Variants in PHACTR1 observed in about 807,000 individuals in gnomAD.
PHACTR1 encodes the protein RPEL repeat containing 1.
In PHACTR1, 16 loss-of-function variants were observed where a neutral mutation model predicts 69.2. The observed-to-expected ratio is 0.23, with a 90% CI of 0.16 to 0.35. PHACTR1 has a LOEUF of 0.35. Among genes scored for constraint, PHACTR1 ranks in the 10% least tolerant of loss-of-function variants. PHACTR1 has a pLI of 1.00. For missense variants in PHACTR1, 510 were observed against 734.7 expected (o/e 0.69, Z 3.54); for synonymous variants, 312 against 284.5 (o/e 1.10, Z -0.97).
intron 4 of PHACTR1, among the ~76,000 whole-genome samples, chr6:13,046,885 A>C (rs1805147553): frequency 6.6e-6 from 1 of 152,196 alleles, no homozygotes; most frequent in African/African-American, 2.4e-5. Context: ...AAACTCTTCC[A>C]AGAGATCCAG....
intron 5 of PHACTR1, among the ~76,000 whole-genome samples, chr6:13,092,538 G>C (rs149533485): frequency 1.3e-5 from 2 of 152,100 alleles, no homozygotes; most frequent in East Asian, 3.9e-4. Context: ...GCTTTAGGAT[G>C]ATTTAAGCAC....
chr6:13,228,525 A>G (rs1045618076), intron 9 of PHACTR1, among the ~76,000 whole-genome samples: 1 of 152,262 alleles, frequency 6.6e-6, no homozygotes, highest in African/African-American at 2.4e-5. Flanking sequence ...AAATGTGCTA[A>G]GAGACAAGAG....
intron 4 of PHACTR1, among the ~76,000 whole-genome samples, chr6:13,006,110 T>G (rs1257271836): frequency 6.6e-6 from 1 of 152,230 alleles, no homozygotes; most frequent in Non-Finnish European, 1.5e-5. Flanking sequence ...CATCAGCCAG[T>G]ACACAACTAC....
At chr6:12,821,363 T>C (rs1185885522) in intron 4 of PHACTR1, among the ~76,000 whole-genome samples, 1 of 149,786 alleles carries the variant, frequency 6.7e-6, no homozygotes, top group Non-Finnish European at 1.5e-5. Flanking sequence ...TTCAGGAAGC[T>C]GAGGCAGGAG....
At chr6:13,201,512 T>G (rs10807412) in intron 7 of PHACTR1, among the ~76,000 whole-genome samples, 48,663 of 152,008 alleles carry the variant, frequency 0.32, 9,417 homozygotes, top group Non-Finnish European at 0.44. Flanking sequence ...ATCATGGACC[T>G]CACGCATGCC....
chr6:12,721,558 G>A lies in PHACTR1; in HGVS notation c.103+2711G>A, dbSNP rs979384639. 4.9e-4 allele frequency among the ~76,000 whole-genome samples: 75 copies of A among 152,240 alleles called. 1 individual carries two copies. Among genetic ancestry groups the A allele is most frequent in the African/African-American group, 1.7e-3 (70 of 41,548 alleles). On this transcript the variant is annotated intron_variant, in intron 3 of 14. Coordinates refer to ENST00000332995, the MANE Select transcript of PHACTR1 (RefSeq NM_030948.6). The stretch of plus-strand genomic sequence containing the variant: ...TCAAAACCCAACTCAGGGCATAACT[G>A]AAAAATAGCTCATCTTGCTGCTCTC...
chr6:13,161,547 C>T (rs1051824415), intron 6 of PHACTR1, among the ~76,000 whole-genome samples: 18 of 150,114 alleles, frequency 1.2e-4, no homozygotes, highest in Non-Finnish European at 2.1e-4. Context: ...TCTACTTTAA[C>T]AATCTGTCCT....
At chr6:13,043,155 G>A (rs1424128162) in intron 4 of PHACTR1, among the ~76,000 whole-genome samples, 1 of 152,176 alleles carries the variant, frequency 6.6e-6, no homozygotes, top group Non-Finnish European at 1.5e-5. Context: ...GGCTGGGCAT[G>A]GTGGCTCACG....
chr6:12,899,297 G>A, intron 4 of PHACTR1, among the ~76,000 whole-genome samples: 1 of 152,152 alleles, frequency 6.6e-6, no homozygotes, highest in East Asian at 1.9e-4. Flanking sequence ...CTTTCCTAAT[G>A]CAGGGTTGTT....
intron 7 of PHACTR1, chr6:13,184,732 C>T: frequency 8.0e-7 from 1 of 1,248,554 alleles, no homozygotes; most frequent in Non-Finnish European, 1.1e-6. Flanking sequence ...GTCCTGTGTT[C>T]CCCGCTGGCC....
At chr6:13,144,509 A>T (rs1394922022) in intron 5 of PHACTR1, among the ~76,000 whole-genome samples, 1 of 152,232 alleles carries the variant, frequency 6.6e-6, no homozygotes, top group East Asian at 1.9e-4. Context: ...AATATTGTAA[A>T]GATGCCAGTC....
chr6:12,729,526 T>C (rs192804245), intron 3 of PHACTR1, among the ~76,000 whole-genome samples: 9 of 152,268 alleles, frequency 5.9e-5, no homozygotes, highest in Non-Finnish European at 1.0e-4. Context: ...CTGCCTAGGC[T>C]GACAGGTTAT....
At chr6:12,719,140 G>T (rs1248197448) in intron 3 of PHACTR1, among the ~76,000 whole-genome samples, 1 of 152,178 alleles carries the variant, frequency 6.6e-6, no homozygotes, top group Non-Finnish European at 1.5e-5. Flanking sequence ...TGTCCAAAAA[G>T]AATCAAGAAT....
intron 6 of PHACTR1, among the ~76,000 whole-genome samples, chr6:13,174,851 GT>G (rs1221740976): frequency 6.6e-6 from 1 of 151,906 alleles, no homozygotes; most frequent in Non-Finnish European, 1.5e-5. Flanking sequence ...AGTGATTTTG[GT>G]ACTAACTTCA....
At chr6:13,074,470 C>G (rs1810096393) in intron 5 of PHACTR1, among the ~76,000 whole-genome samples, 3 of 152,074 alleles carry the variant, frequency 2.0e-5, no homozygotes, top group Admixed American at 2.0e-4. Context: ...CAAAAATAAT[C>G]AAAATTTTAG....
intron 4 of PHACTR1, among the ~76,000 whole-genome samples, chr6:13,040,256 A>G (rs953479004): frequency 1.3e-5 from 2 of 152,134 alleles, no homozygotes; most frequent in African/African-American, 4.8e-5. Context: ...AGGACCCTTG[A>G]CATCAGCCTA....
chr6:13,173,467 A>C (rs1266294529), intron 6 of PHACTR1, among the ~76,000 whole-genome samples: 2 of 152,210 alleles, frequency 1.3e-5, no homozygotes, highest in Non-Finnish European at 2.9e-5. Context: ...CAAACTGGAG[A>C]AAATATCTCC....
chr6:12,859,635 G>C (rs1028231237), intron 4 of PHACTR1, among the ~76,000 whole-genome samples: 12 of 152,160 alleles, frequency 7.9e-5, no homozygotes, highest in African/African-American at 2.7e-4. Flanking sequence ...CACATCTCAA[G>C]AACCGTGTGT....
chr6:13,101,632 G>C (rs1173465493), intron 5 of PHACTR1, among the ~76,000 whole-genome samples: 1 of 152,208 alleles, frequency 6.6e-6, no homozygotes, highest in African/African-American at 2.4e-5. Flanking sequence ...TGGTCAGAAC[G>C]TGGTGGATAT....
Sources: gnomAD v4.1 joint callset for allele counts (sites outside exome capture counted in the v4.1 genomes callset) on GRCh38, gnomAD v4.1.1 for gene constraint, MANE v1.5 for transcripts, NCBI Gene and HGNC (gene_info 2026-07-23, HGNC 2026-07-21) for gene names.